Variants in NAA11 observed in about 807,000 individuals in gnomAD.
NAA11 encodes the protein N-alpha-acetyltransferase 11.
Under a neutral mutation model 16.1 loss-of-function variants are expected in NAA11, and 15 were observed. The ratio of observed to expected loss-of-function variants is 0.93; its 90% CI spans 0.62 to 1.44. NAA11 has a LOEUF of 1.44. NAA11 is among the 40% of genes most tolerant of loss of function. The pLI is 0.00. For synonymous variants in NAA11, 122 were observed against 112.4 expected, an observed-to-expected ratio of 1.09 and a Z score of -0.54; for missense variants, 298 against 291.3, an observed-to-expected ratio of 1.02 and a Z score of -0.17.
chr4:79,251,416 C>G (rs1412086691), intron 2 of NAA11, among the ~76,000 whole-genome samples: 1 of 152,090 alleles, frequency 6.6e-6, no homozygotes, highest in Non-Finnish European at 1.5e-5. Context: ...TAAGTGGGAG[C>G]TAAGCATTGA....
chr4:79,183,609 T>C, the NAA11 span, among the ~76,000 whole-genome samples: 1 of 152,104 alleles, frequency 6.6e-6, no homozygotes, highest in Non-Finnish European at 1.5e-5. Flanking sequence ...TCTTGTGTTA[T>C]ATGTTCTAAT....
At chr4:79,167,538 G>T in the NAA11 span, among the ~76,000 whole-genome samples, 2 of 152,000 alleles carry the variant, frequency 1.3e-5, no homozygotes, top group Non-Finnish European at 2.9e-5. Flanking sequence ...TGCTCGATCA[G>T]TACCCCACCT....
Position 79,323,910 on chromosome 4 carries a change from G to A in NAA11, c.*12+1266C>T, listed in dbSNP as rs372157267. Among the ~76,000 whole-genome samples the A allele has an allele frequency of 2.3e-4, 35 of 152,102 alleles. 1 individual carries two copies. The East Asian group carries it at 6.6e-3, about 29-fold the overall frequency. ...CCCAGTTACTTGGGAGGCTGAGGCA[G>A]GAGAATAGCTTGAACCCAGGACGTG... On this transcript the variant is annotated intron_variant, in intron 1 of 1. Transcript: ENST00000286794.
chr4:79,265,123 T>A (rs1722316147), intron 2 of NAA11, among the ~76,000 whole-genome samples: 1 of 152,132 alleles, frequency 6.6e-6, no homozygotes, highest in Non-Finnish European at 1.5e-5. Context: ...TCTGGAGTCA[T>A]CCTCATGCCT....
chr4:79,307,046 C>T (rs1994190), intron 1 of NAA11: 74,144 of 152,040 alleles, frequency 0.49, 18,395 homozygotes, highest in East Asian at 0.77. Context: ...AACGATGCTT[C>T]ATATGCCTTC....
the NAA11 span, among the ~76,000 whole-genome samples, chr4:79,216,966 C>T: frequency 6.6e-6 from 1 of 152,228 alleles, no homozygotes; most frequent in African/African-American, 2.4e-5. Flanking sequence ...ACCTCATGCT[C>T]TCCTCCGTAC....
the NAA11 span, among the ~76,000 whole-genome samples, chr4:79,198,927 T>C: frequency 6.6e-6 from 1 of 151,926 alleles, no homozygotes; most frequent in South Asian, 2.1e-4. Context: ...ATACTCTTTC[T>C]CTATGGCAAA....
chr4:79,301,783 T>C (rs1357000769), intron 1 of NAA11, among the ~76,000 whole-genome samples: 2 of 152,288 alleles, frequency 1.3e-5, no homozygotes, highest in South Asian at 2.1e-4. Flanking sequence ...CAAAAAATAC[T>C]TGAATTTAAT....
intron 2 of NAA11, among the ~76,000 whole-genome samples, chr4:79,271,891 A>T (rs781018150): frequency 6.6e-6 from 1 of 151,932 alleles, no homozygotes; most frequent in African/African-American, 2.4e-5. Flanking sequence ...GTTCTAATGC[A>T]GTAGTCTTCT....
At chr4:79,185,583 TA>T in the NAA11 span, among the ~76,000 whole-genome samples, 1 of 152,208 alleles carries the variant, frequency 6.6e-6, no homozygotes, top group Admixed American at 6.5e-5. Context: ...TCCACTCGTT[TA>T]AAAAACAGAC....
At chr4:79,262,402 T>C (rs1465434666) in intron 2 of NAA11, among the ~76,000 whole-genome samples, 1 of 152,208 alleles carries the variant, frequency 6.6e-6, no homozygotes, top group Non-Finnish European at 1.5e-5. Context: ...CATAATTCCT[T>C]CTGCCTTTGC....
intron 1 of NAA11, among the ~76,000 whole-genome samples, chr4:79,318,208 T>C (rs1259841544): frequency 6.6e-6 from 1 of 152,300 alleles, no homozygotes; most frequent in East Asian, 1.9e-4. Context: ...TCTAAAGAAA[T>C]GAAAGGCCTT....
intron 1 of NAA11, chr4:79,306,638 C>T (rs1485957660): frequency 6.6e-6 from 1 of 152,126 alleles, no homozygotes; most frequent in Non-Finnish European, 1.5e-5. Context: ...TTTTATTTTT[C>T]AATAACAGTA....
At chr4:79,259,402 C>CATGCTGGCACCT (rs1233765583) in intron 2 of NAA11, among the ~76,000 whole-genome samples, 16 of 152,212 alleles carry the variant, frequency 1.1e-4, no homozygotes, top group Non-Finnish European at 2.1e-4. Context: ...AGCTGGCACC[C>CATGCTGGCACCT]ATGCTGGCAC....
chr4:79,196,340 T>C, the NAA11 span, among the ~76,000 whole-genome samples: 3 of 152,004 alleles, frequency 2.0e-5, no homozygotes, highest in African/African-American at 7.2e-5. Flanking sequence ...CATGTTTCCA[T>C]AACACTGCTA....
At chr4:79,323,297 T>C (rs561295509) in intron 1 of NAA11, among the ~76,000 whole-genome samples, 1 of 152,312 alleles carries the variant, frequency 6.6e-6, no homozygotes, top group South Asian at 2.1e-4. Flanking sequence ...ATGGAAGAAA[T>C]ACTGTGGTAT....
the NAA11 span, among the ~76,000 whole-genome samples, chr4:79,193,779 TGATGGG>T: frequency 2.6e-5 from 4 of 152,230 alleles, no homozygotes; most frequent in Non-Finnish European, 5.9e-5. Context: ...CTTGGTAGTT[TGATGGG>T]GATGGCATTG....
chr4:79,186,840 G>A, the NAA11 span, among the ~76,000 whole-genome samples: 1 of 152,042 alleles, frequency 6.6e-6, no homozygotes, highest in African/African-American at 2.4e-5. Context: ...CACCTGTGAG[G>A]CTCCAAACCT....
At chr4:79,202,649 A>C in the NAA11 span, among the ~76,000 whole-genome samples, 1 of 124,688 alleles carries the variant, frequency 8.0e-6, no homozygotes, top group Non-Finnish European at 1.7e-5. Flanking sequence ...ATATATATAT[A>C]TCTGTGTAAT....
Sources: allele counts gnomAD v4.1 joint callset (sites outside exome capture counted in the v4.1 genomes callset), GRCh38; gene constraint gnomAD v4.1.1; transcripts MANE v1.5; gene names NCBI Gene and HGNC (gene_info 2026-07-23, HGNC 2026-07-21).